The following SLMAP variants were observed in gnomAD, a reference collection of about 807,000 sequenced individuals.
SLMAP encodes the protein sarcolemmal membrane-associated protein.
Under a neutral mutation model 128.8 loss-of-function variants are expected in SLMAP, and 44 were observed. The ratio of observed to expected loss-of-function variants is 0.34; its 90% confidence interval spans 0.27 to 0.44. The LOEUF (loss-of-function observed/expected upper bound fraction) is 0.44, where lower values mean the gene tolerates loss of function less well. Ranked by LOEUF, SLMAP falls within the 20% of genes least tolerant of loss-of-function variation. The pLI is 1.00. For synonymous variants in SLMAP, 327 were observed against 348.8 expected (o/e 0.94, Z 0.70); for missense variants, 787 against 985.3 (o/e 0.80, Z 2.69).
intron 14 of SLMAP, among the ~76,000 whole-genome samples, chr3:57,875,286 G>A (rs948769637): frequency 6.6e-6 from 1 of 152,170 alleles, no homozygotes; most frequent in Non-Finnish European, 1.5e-5. Flanking sequence ...CACTTCAGGA[G>A]GCAAAGGTGG....
At chr3:57,843,264 TTTTCC>T (rs1324428517) in intron 4 of SLMAP, among the ~76,000 whole-genome samples, 3 of 151,504 alleles carry the variant, frequency 2.0e-5, no homozygotes, top group Admixed American at 6.6e-5. Context: ...GCACAAATAA[TTTTCC>T]TTTTGTTTTG....
chr3:57,907,364 A>C (rs1281453763), intron 17 of SLMAP, among the ~76,000 whole-genome samples: 1 of 152,208 alleles, frequency 6.6e-6, no homozygotes, highest in African/African-American at 2.4e-5. Flanking sequence ...GGAAATGATG[A>C]TGACAAAGTA....
At chr3:57,883,765 T>A (rs183698804) in intron 14 of SLMAP, among the ~76,000 whole-genome samples, 96 of 152,182 alleles carry the variant, frequency 6.3e-4, no homozygotes, top group South Asian at 2.3e-3. Flanking sequence ...TCTGAAGGCC[T>A]GCAATGGGGT....
chr3:57,829,525 A>G (rs1256719183), intron 2 of SLMAP, among the ~76,000 whole-genome samples: 1 of 152,186 alleles, frequency 6.6e-6, no homozygotes, highest in Non-Finnish European at 1.5e-5. Context: ...TGTAGAAAAA[A>G]TTTTGAGGGT....
chr3:57,805,705 CTA>C (rs1235070861), intron 2 of SLMAP, among the ~76,000 whole-genome samples: 2 of 152,144 alleles, frequency 1.3e-5, no homozygotes, highest in African/African-American at 2.4e-5. Flanking sequence ...CGCAAGTTCT[CTA>C]TATGATAAAG....
chr3:57,810,119 A>G (rs937097770), intron 2 of SLMAP, among the ~76,000 whole-genome samples: 3 of 152,122 alleles, frequency 2.0e-5, no homozygotes, highest in African/African-American at 4.8e-5. Flanking sequence ...AGGTGCCACC[A>G]TGTTCCCTGG....
chr3:57,813,554 G>A (rs1302035265), intron 2 of SLMAP, among the ~76,000 whole-genome samples: 1 of 152,088 alleles, frequency 6.6e-6, no homozygotes, highest in Non-Finnish European at 1.5e-5. Flanking sequence ...GGAAAAAAAA[G>A]GATGGTTGCG....
intron 6 of SLMAP, among the ~76,000 whole-genome samples, chr3:57,851,671 T>G (rs1457118528): frequency 6.6e-6 from 1 of 150,646 alleles, no homozygotes; most frequent in African/African-American, 2.4e-5. Context: ...TAGAGTACAT[T>G]TTTAGGTTTC....
intron 17 of SLMAP, chr3:57,897,152 A>G (rs542024595): frequency 7.9e-7 from 1 of 1,270,670 alleles, no homozygotes; most frequent in African/African-American, 1.5e-5. Flanking sequence ...ACGAGGGACA[A>G]AGTGTTAAGT....
intron 8 of SLMAP, among the ~76,000 whole-genome samples, chr3:57,860,152 G>A (rs1328036651): frequency 6.6e-6 from 1 of 152,046 alleles, no homozygotes; most frequent in Non-Finnish European, 1.5e-5. Flanking sequence ...AAAGTGCCAC[G>A]GCCAGCCTAT....
intron 17 of SLMAP, among the ~76,000 whole-genome samples, chr3:57,905,007 G>A (rs2096492180): frequency 6.6e-6 from 1 of 152,128 alleles, no homozygotes; most frequent in Non-Finnish European, 1.5e-5. Flanking sequence ...GTCAATTAAG[G>A]CTGCAGTGAA....
At chr3:57,884,728 G>A (rs1286512924) in intron 14 of SLMAP, among the ~76,000 whole-genome samples, 1 of 152,134 alleles carries the variant, frequency 6.6e-6, no homozygotes, top group African/African-American at 2.4e-5. Context: ...AGGATGGCTT[G>A]AGCCCAGAAG....
rs1426796426 is a variant in SLMAP at position 57,929,254 on chromosome 3, T to C, written c.*1965T>C. The C allele has an allele frequency of 6.6e-6, 1 of 152,650 alleles. No homozygotes were observed. Among genetic ancestry groups the C allele is most frequent in the Non-Finnish European group, 1.5e-5 (1 of 68,028 alleles). The allele number at this position is 152,650 out of a possible 1,614,324, so 9.5% of individuals were successfully genotyped here. A position where few individuals can be genotyped will look rare whatever the true frequency, so the allele number is the denominator to read the frequency against. On this transcript the variant is annotated 3_prime_UTR_variant, in exon 25 of 25. Transcript: ENST00000671191. Reference sequence around the variant, plus strand: ...ATAGTCTTCTCTTGACATGACTCTTTATGCAACATAACATACATTTGGTAT... The same window carrying C: ...ATAGTCTTCTCTTGACATGACTCTTCATGCAACATAACATACATTTGGTAT...
chr3:57,924,143 TC>T (rs1373099428), intron 23 of SLMAP, among the ~76,000 whole-genome samples: 1 of 152,194 alleles, frequency 6.6e-6, no homozygotes, highest in Non-Finnish European at 1.5e-5. Context: ...AGAATGGATC[TC>T]CCCATACTAT....
chr3:57,880,422 C>T (rs1374332388), intron 14 of SLMAP, among the ~76,000 whole-genome samples: 2 of 151,980 alleles, frequency 1.3e-5, no homozygotes, highest in Non-Finnish European at 2.9e-5. Context: ...GGGCTGGTCT[C>T]GAACTCCTGA....
intron 15 of SLMAP, among the ~76,000 whole-genome samples, chr3:57,896,057 G>GTT (rs35883360): frequency 6.4e-4 from 97 of 151,066 alleles, no homozygotes; most frequent in South Asian, 1.7e-3. Flanking sequence ...ACTGATCGTG[G>GTT]TTTTTTTTTA....
intron 2 of SLMAP, among the ~76,000 whole-genome samples, chr3:57,821,548 T>A (rs1302716332): frequency 6.6e-6 from 1 of 152,200 alleles, no homozygotes; most frequent in Non-Finnish European, 1.5e-5. Context: ...AGAAAGGTTA[T>A]ATAAATAAAT....
At chr3:57,824,484 C>T (rs1298942984) in intron 2 of SLMAP, among the ~76,000 whole-genome samples, 1 of 152,140 alleles carries the variant, frequency 6.6e-6, no homozygotes, top group Admixed American at 6.5e-5. Flanking sequence ...ATGTGTCTCT[C>T]CAGTTTTCCC....
At chr3:57,831,219 C>T (rs2093318849) in intron 2 of SLMAP, among the ~76,000 whole-genome samples, 164 bp from the exon 3 acceptor site, 1 of 151,984 alleles carries the variant, frequency 6.6e-6, no homozygotes, top group African/African-American at 2.4e-5. Context: ...ATTCTAATTT[C>T]ATATATATTA....
Sources: allele counts gnomAD v4.1 joint callset (sites outside exome capture counted in the v4.1 genomes callset), GRCh38; gene constraint gnomAD v4.1.1; transcripts MANE v1.5; gene names NCBI Gene and HGNC (gene_info 2026-07-23, HGNC 2026-07-21).